The following TEX11 variants were observed in gnomAD, a reference collection of about 807,000 sequenced individuals.
The protein encoded by TEX11 is testis expressed 11.
TEX11 carries 7 observed loss-of-function variants against 84.4 expected under a neutral mutation model. The ratio of observed to expected loss-of-function variants is 0.08; its 90% CI spans 0.05 to 0.16. The LOEUF (loss-of-function observed/expected upper bound fraction) is 0.16, where lower values mean the gene tolerates loss of function less well. Among genes scored for constraint, TEX11 ranks in the 10% least tolerant of loss-of-function variants. TEX11 has a pLI of 1.00. For missense variants in TEX11, 551 were observed against 660.5 expected, an observed-to-expected ratio of 0.83 and a Z score of 1.82; for synonymous variants, 264 against 222.8, an observed-to-expected ratio of 1.18 and a Z score of -1.64.
At chrX:70,577,829 G>A (rs1320510210) in intron 25 of TEX11, among the ~76,000 whole-genome samples, 3 of 108,972 alleles carry the variant, frequency 2.8e-5, no homozygotes, top group Non-Finnish European at 5.7e-5. Flanking sequence ...CTGGGTTCAA[G>A]TGATTCTCCT....
At chrX:70,520,810 C>T in the TEX11 span, among the ~76,000 whole-genome samples, 4 of 111,819 alleles carry the variant, frequency 3.6e-5, no homozygotes, top group East Asian at 1.1e-3. Context: ...AGCTTCCTGG[C>T]CACTTTGTTT....
At chrX:70,627,730 A>G (rs2089464672) in intron 18 of TEX11, among the ~76,000 whole-genome samples, 2 of 112,014 alleles carry the variant, frequency 1.8e-5, no homozygotes, top group South Asian at 7.5e-4. Context: ...CTGGATTATT[A>G]TCACAGTCTC....
intron 2 of TEX11, among the ~76,000 whole-genome samples, chrX:70,885,050 T>A (rs1282637200): frequency 9.0e-6 from 1 of 110,903 alleles, no homozygotes; most frequent in African/African-American, 3.3e-5. Context: ...CTTGAGCTGG[T>A]ACATGCCATA....
At chrX:70,839,637 G>A (rs753676714) in intron 7 of TEX11, among the ~76,000 whole-genome samples, 17 of 112,278 alleles carry the variant, frequency 1.5e-4, no homozygotes, top group South Asian at 7.4e-4. Flanking sequence ...AAAGCTGGAC[G>A]AAGAATGACT....
intron 10 of TEX11, among the ~76,000 whole-genome samples, chrX:70,743,049 C>T (rs1409511535): frequency 9.0e-6 from 1 of 111,041 alleles, no homozygotes; most frequent in Non-Finnish European, 1.9e-5. Context: ...TCCCAATTCT[C>T]CCCTCTCCCT....
At chrX:70,582,721 CATTTATTTATTT>C (rs200086003) in intron 25 of TEX11, among the ~76,000 whole-genome samples, 9 of 48,251 alleles carry the variant, frequency 1.9e-4, no homozygotes, top group African/African-American at 7.0e-4. Context: ...CTCCTATGTA[CATTTATTTATTT>C]ATTTATTTAT....
At chrX:70,693,883 A>C (rs1446113693) in intron 13 of TEX11, among the ~76,000 whole-genome samples, 1 of 111,767 alleles carries the variant, frequency 8.9e-6, no homozygotes, top group Non-Finnish European at 1.9e-5. Flanking sequence ...GTTCACCTTG[A>C]CTGTATACAA....
chrX:70,719,833 C>G (rs2090540790), intron 13 of TEX11, among the ~76,000 whole-genome samples: 1 of 111,447 alleles, frequency 9.0e-6, no homozygotes, highest in South Asian at 3.8e-4. Context: ...CCATCTCACA[C>G]CAGTTAGAAT....
At chrX:70,594,752 G>A (rs1285987832) in intron 24 of TEX11, among the ~76,000 whole-genome samples, 4 of 110,862 alleles carry the variant, frequency 3.6e-5, no homozygotes, top group Admixed American at 9.6e-5. Flanking sequence ...TGCTATTCTC[G>A]TGATAGTAAA....
intron 9 of TEX11, among the ~76,000 whole-genome samples, chrX:70,750,217 A>G (rs1160333347): frequency 9.0e-6 from 1 of 111,586 alleles, no homozygotes; most frequent in Non-Finnish European, 1.9e-5. Context: ...TCAAAACCAC[A>G]ATGAGATACC....
chrX:70,750,304 A>G (rs1467460576), intron 9 of TEX11, among the ~76,000 whole-genome samples: 2 of 111,430 alleles, frequency 1.8e-5, no homozygotes, highest in Admixed American at 1.9e-4. Context: ...GAGAAATAGG[A>G]ACGCTTCTAC....
chrX:70,855,921 C>T (rs2091533904), intron 5 of TEX11, among the ~76,000 whole-genome samples: 1 of 111,660 alleles, frequency 9.0e-6, no homozygotes, highest in Non-Finnish European at 1.9e-5. Context: ...GCCTCCAAAA[C>T]TGTGGGAAAA....
intron 15 of TEX11, among the ~76,000 whole-genome samples, chrX:70,676,885 C>T (rs2090076447): frequency 8.9e-6 from 1 of 111,925 alleles, no homozygotes; most frequent in South Asian, 3.8e-4. Flanking sequence ...ATGTGCTTCT[C>T]ATCCTAAACA....
At chrX:70,860,388 T>A (rs995394131) in intron 5 of TEX11, among the ~76,000 whole-genome samples, 1 of 112,067 alleles carries the variant, frequency 8.9e-6, no homozygotes, top group African/African-American at 3.2e-5. Flanking sequence ...ATATTACTAT[T>A]TTCATCTTAC....
intron 16 of TEX11, among the ~76,000 whole-genome samples, chrX:70,654,409 G>A (rs755010469): frequency 1.6e-3 from 178 of 110,776 alleles, no homozygotes; most frequent in African/African-American, 5.7e-3. Context: ...AAAAGAAACA[G>A]GATAGAAATG....
intron 25 of TEX11, among the ~76,000 whole-genome samples, chrX:70,569,999 G>A (rs757386356): frequency 8.9e-6 from 1 of 112,138 alleles, no homozygotes; most frequent in South Asian, 3.7e-4. Context: ...TCTGTGCCCT[G>A]CCCCCAGAGG....
intron 28 of TEX11, among the ~76,000 whole-genome samples, chrX:70,548,431 T>TA: frequency 9.5e-6 from 1 of 105,524 alleles, no homozygotes; most frequent in Admixed American, 1.1e-4. Flanking sequence ...TAATAAAATT[T>TA]AAAAAATAAT....
At chrX:70,725,067 T>C (rs1240235631) in intron 12 of TEX11, among the ~76,000 whole-genome samples, 195 bp downstream of exon 12, 1 of 110,707 alleles carries the variant, frequency 9.0e-6, no homozygotes. Context: ...AAAAACACCT[T>C]TTAAATTTGC....
chrX:70,638,645 C>G (rs1334758719), intron 17 of TEX11, among the ~76,000 whole-genome samples: 3 of 108,899 alleles, frequency 2.8e-5, no homozygotes, highest in Non-Finnish European at 5.7e-5. Flanking sequence ...ACTAAAAATG[C>G]AAAAAATTAT....
Sources: gnomAD v4.1 joint callset for allele counts (sites outside exome capture counted in the v4.1 genomes callset) on GRCh38, gnomAD v4.1.1 for gene constraint, MANE v1.5 for transcripts, NCBI Gene and HGNC (gene_info 2026-07-23, HGNC 2026-07-21) for gene names.